The following SMOC2 variants were observed in gnomAD, a reference collection of about 807,000 sequenced individuals.
SMOC2 encodes SPARC-related modular calcium-binding protein 2.
SMOC2 carries 39 observed loss-of-function variants against 61.4 expected under a neutral mutation model. That is an observed-to-expected ratio of 0.64 (90% CI 0.49 to 0.83). The LOEUF is 0.83. Among genes scored for constraint, SMOC2 ranks in the 40% least tolerant of loss-of-function variants. The pLI, the probability that SMOC2 is intolerant of heterozygous loss-of-function variation, is 0.00. For synonymous variants in SMOC2, 247 were observed against 239.9 expected (o/e 1.03, Z -0.27); for missense variants, 556 against 592.9 (o/e 0.94, Z 0.65).
chr6:168,548,594 G>C lies in SMOC2; in HGVS notation c.563-535G>C, dbSNP rs1184043910. Among the ~76,000 whole-genome samples, 7 of 151,096 alleles carry C rather than the reference G, an allele frequency of 4.6e-5. No homozygotes were observed. The East Asian group carries it at 9.7e-4, about 21-fold the overall frequency. ...TTGGCCAGGCTGGTCTTGAACACCC[G>C]ACCTCAGGTGATTCACCTGCCTTGG... is the stretch of plus-strand genomic sequence containing the variant. On this transcript the variant is annotated intron_variant, in intron 6 of 12. Transcript: ENST00000356284.
At chr6:168,443,863 G>T (rs1035614790) in intron 1 of SMOC2, among the ~76,000 whole-genome samples, 3 of 152,166 alleles carry the variant, frequency 2.0e-5, no homozygotes, top group Non-Finnish European at 2.9e-5. Context: ...GTGACTTCAG[G>T]CAAGTTACTT....
chr6:168,612,709 C>T (rs1041141781), intron 9 of SMOC2, among the ~76,000 whole-genome samples: 4 of 152,198 alleles, frequency 2.6e-5, no homozygotes, highest in South Asian at 4.1e-4. Flanking sequence ...GCTGCGGCAC[C>T]GGCTCCATTT....
At chr6:168,558,547 T>A (rs1279749960) in intron 7 of SMOC2, among the ~76,000 whole-genome samples, 1 of 152,188 alleles carries the variant, frequency 6.6e-6, no homozygotes, top group African/African-American at 2.4e-5. Flanking sequence ...GCATTTTACC[T>A]ATCTGGGTTT....
intron 4 of SMOC2, among the ~76,000 whole-genome samples, chr6:168,532,520 T>C (rs1279418949): frequency 7.5e-6 from 1 of 132,568 alleles, no homozygotes; most frequent in Non-Finnish European, 1.7e-5. Flanking sequence ...CAAGAGAGGG[T>C]GTTTGCAACC....
At chr6:168,504,914 T>TGGTG (rs573495721) in intron 1 of SMOC2, among the ~76,000 whole-genome samples, 1 of 151,880 alleles carries the variant, frequency 6.6e-6, no homozygotes, top group Non-Finnish European at 1.5e-5. Flanking sequence ...TCTTAAAGAC[T>TGGTG]GGGAGCAAGA....
chr6:168,566,157 G>T (rs1784536171), intron 7 of SMOC2, among the ~76,000 whole-genome samples: 1 of 152,064 alleles, frequency 6.6e-6, no homozygotes, highest in African/African-American at 2.4e-5. Flanking sequence ...CGGCAGGGAG[G>T]TTTCTCTTGA....
chr6:168,542,227 AAGG>A (rs949187030), intron 4 of SMOC2, among the ~76,000 whole-genome samples: 117 of 152,276 alleles, frequency 7.7e-4, no homozygotes, highest in African/African-American at 2.7e-3. Flanking sequence ...GAAACAAGCA[AAGG>A]AGGATTTTGA....
chr6:168,647,318 G>A (rs779143089), intron 9 of SMOC2, among the ~76,000 whole-genome samples: 4 of 152,186 alleles, frequency 2.6e-5, no homozygotes, highest in Non-Finnish European at 2.9e-5. Flanking sequence ...GGCCGGGGGC[G>A]GAGTGTGCTA....
chr6:168,630,726 T>C (rs903517347), intron 9 of SMOC2, among the ~76,000 whole-genome samples: 1 of 152,212 alleles, frequency 6.6e-6, no homozygotes, highest in African/African-American at 2.4e-5. Context: ...TTTCTCAGCA[T>C]GGAACATCCC....
chr6:168,613,040 C>T (rs118167661), intron 9 of SMOC2, among the ~76,000 whole-genome samples: 3,741 of 152,310 alleles, frequency 0.025, 289 homozygotes, highest in Admixed American at 0.16. Context: ...GACTCTCATT[C>T]TCAGGACCAA....
chr6:168,516,390 A>T lies in SMOC2; in HGVS notation c.256+6304A>T, dbSNP rs553133688. Among the ~76,000 whole-genome samples, 282 of 150,168 alleles carry T rather than the reference A, an allele frequency of 1.9e-3. 2 individuals are homozygous for T. Among genetic ancestry groups the T allele is most frequent in the African/African-American group, 6.5e-3 (266 of 40,892 alleles). On this transcript the variant is annotated intron_variant, in intron 2 of 12. Transcript: ENST00000356284. ...CATAGAAAAGCCAAAAAAAAAAAAAAGCCAAATGCCAGGAGAACTTGGAAC... is the reference window on the plus strand; with the variant it reads ...CATAGAAAAGCCAAAAAAAAAAAAATGCCAAATGCCAGGAGAACTTGGAAC...
At chr6:168,500,040 C>T (rs1393386403) in intron 1 of SMOC2, among the ~76,000 whole-genome samples, 1 of 152,114 alleles carries the variant, frequency 6.6e-6, no homozygotes, top group Non-Finnish European at 1.5e-5. Context: ...GGTGCAGTGG[C>T]TCATGCCTGT....
At chr6:168,558,293 T>A (rs536303176) in intron 7 of SMOC2, among the ~76,000 whole-genome samples, 2 of 152,336 alleles carry the variant, frequency 1.3e-5, no homozygotes, top group South Asian at 4.1e-4. Context: ...GTTGGTGTCA[T>A]GTACCGTGAA....
At chr6:168,607,709 G>A (rs985325136) in intron 8 of SMOC2, among the ~76,000 whole-genome samples, 1 of 151,878 alleles carries the variant, frequency 6.6e-6, no homozygotes, top group East Asian at 1.9e-4. Flanking sequence ...CTTGGGCGGG[G>A]TGGGGGTAGT....
At chr6:168,523,802 A>G (rs1783391443) in intron 2 of SMOC2, among the ~76,000 whole-genome samples, 1 of 152,170 alleles carries the variant, frequency 6.6e-6, no homozygotes, top group Non-Finnish European at 1.5e-5. Flanking sequence ...AAGGCTGTTA[A>G]ACAGTTAGGG....
At chr6:168,451,086 C>T (rs1781450007) in intron 1 of SMOC2, among the ~76,000 whole-genome samples, 1 of 152,156 alleles carries the variant, frequency 6.6e-6, no homozygotes, top group Non-Finnish European at 1.5e-5. Flanking sequence ...AGAGCTCACT[C>T]CCTCAGGCTA....
At chr6:168,539,940 C>A (rs958037425) in intron 4 of SMOC2, among the ~76,000 whole-genome samples, 5 of 152,238 alleles carry the variant, frequency 3.3e-5, no homozygotes, top group Non-Finnish European at 7.3e-5. Flanking sequence ...TCTGGTCTCA[C>A]TTTCCTTGTC....
chr6:168,458,296 G>A (rs951544769), intron 1 of SMOC2, among the ~76,000 whole-genome samples: 2 of 151,262 alleles, frequency 1.3e-5, no homozygotes, highest in Admixed American at 1.3e-4. Flanking sequence ...GGAGGGAGAC[G>A]GTCTCACCCT....
intron 9 of SMOC2, among the ~76,000 whole-genome samples, chr6:168,647,001 T>G (rs1562402456): frequency 6.6e-6 from 1 of 152,028 alleles, no homozygotes; most frequent in Non-Finnish European, 1.5e-5. Context: ...GGCTTATTAT[T>G]CCCCCCAGGA....
Sources: gnomAD v4.1 joint callset for allele counts (sites outside exome capture counted in the v4.1 genomes callset) on GRCh38, gnomAD v4.1.1 for gene constraint, MANE v1.5 for transcripts, NCBI Gene and HGNC (gene_info 2026-07-23, HGNC 2026-07-21) for gene names.